KIF15: variants seen among roughly 807,000 people sequenced by gnomAD.
KIF15 encodes kinesin family member 15.
KIF15 carries 140 observed loss-of-function variants against 190.6 expected under a neutral mutation model. That is an observed-to-expected ratio of 0.73 (90% CI 0.64 to 0.84). The LOEUF (loss-of-function observed/expected upper bound fraction) is 0.84. Ranked by LOEUF, KIF15 falls within the 40% of genes least tolerant of loss-of-function variation. The probability of loss-of-function intolerance (pLI) is 0.00; values close to 1 mark genes in which losing one functional copy is unlikely to be tolerated. For missense variants in KIF15, 1,372 were observed against 1,584.4 expected (o/e 0.87, Z 2.28); for synonymous variants, 528 against 551.3 (o/e 0.96, Z 0.59).
intron 19 of KIF15, among the ~76,000 whole-genome samples, chr3:44,813,901 A>G (rs1707916310): frequency 6.6e-6 from 1 of 152,162 alleles, no homozygotes; most frequent in African/African-American, 2.4e-5. Context: ...TACAGGCGTG[A>G]GCCACTGTGC....
At chr3:44,838,546 C>T (rs1698436744) in intron 27 of KIF15, 125 bp downstream of exon 27, 2 of 898,022 alleles carry the variant, frequency 2.2e-6, no homozygotes, top group Non-Finnish European at 3.2e-6. Context: ...AGTTCAAGAG[C>T]AGTCTGGCCA....
Position 44,801,588 on chromosome 3 carries a change from T to C in KIF15, c.1299+62T>C, listed in dbSNP as rs188639866. ...TAGTTAGTTTTTTGCTGTGTGGTTT[T>C]TATTGCCTTACTAAGTGAAATAAAT... On this transcript the variant is annotated intron_variant, in intron 12 of 34. Transcript: ENST00000326047. 477 of 1,128,600 alleles carry C rather than the reference T, an allele frequency of 4.2e-4. 2 individuals carry two copies. In the African/African-American group the frequency reaches 6.3e-3, roughly 15 times the overall value. 69.9% of individuals were successfully genotyped at this position (1,128,600 alleles called of 1,614,324 possible).
chr3:44,841,368 A>G (rs901719954), intron 29 of KIF15, 130 bp downstream of exon 29: 1 of 602,070 alleles, frequency 1.7e-6, no homozygotes, highest in Non-Finnish European at 2.9e-6. Flanking sequence ...GGTATATGCC[A>G]CCATGCCCAG....
chr3:44,783,267 G>A (rs963727838), intron 5 of KIF15, among the ~76,000 whole-genome samples: 3 of 152,098 alleles, frequency 2.0e-5, no homozygotes, highest in East Asian at 1.9e-4. Context: ...GCATCTGCTC[G>A]GCTTCTGGTG....
rs183191840 is a variant in KIF15 at position 44,791,716 on chromosome 3, A to G, written c.640-2501A>G. ...TGACAGCATACTGTGCTATTTTTATACCTTGCCTTTTTTATTTTGGAGACC... is the reference window on the plus strand; with the variant it reads ...TGACAGCATACTGTGCTATTTTTATGCCTTGCCTTTTTTATTTTGGAGACC... On this transcript the variant is annotated intron_variant, in intron 7 of 34. Transcript: ENST00000326047. Among the ~76,000 whole-genome samples the G allele has an allele frequency of 3.3e-5, 5 of 151,980 alleles. No individual in the cohort carries two copies. In the East Asian group the frequency reaches 7.7e-4, roughly 24 times the overall value.
chr3:44,815,189 A>G, intron 20 of KIF15, 113 bp downstream of exon 20: 1 of 934,340 alleles, frequency 1.1e-6, no homozygotes, highest in East Asian at 2.9e-5. Context: ...TAAAAAAGAT[A>G]ATTTATTGGC....
chr3:44,810,027 A>G (rs930172247), intron 16 of KIF15, among the ~76,000 whole-genome samples: 42 of 152,242 alleles, frequency 2.8e-4, no homozygotes, highest in African/African-American at 1.0e-3. Context: ...AGATTACACC[A>G]CTGCACTCCA....
chr3:44,855,772 G>A (rs190581283), downstream of KIF15, among the ~76,000 whole-genome samples: 13 of 152,202 alleles, frequency 8.5e-5, no homozygotes, highest in South Asian at 1.2e-3. Flanking sequence ...AAAGACACAA[G>A]GTCCAAATAA....
chr3:44,774,094 G>A (rs1705757429), intron 1 of KIF15, among the ~76,000 whole-genome samples: 1 of 152,174 alleles, frequency 6.6e-6, no homozygotes, highest in Non-Finnish European at 1.5e-5. Context: ...CCCTTACTGT[G>A]CATGTGTTGA....
chr3:44,827,955 A>G (rs1233810890), intron 23 of KIF15, among the ~76,000 whole-genome samples: 2 of 152,206 alleles, frequency 1.3e-5, no homozygotes, highest in Non-Finnish European at 2.9e-5. Context: ...CTGAGATTAC[A>G]GGCCTGAGCC....
chr3:44,864,358 G>C, intron 6 of KIF15: 1 of 1,613,864 alleles, frequency 6.2e-7, no homozygotes, highest in Non-Finnish European at 8.5e-7. Flanking sequence ...GTAGCCTGAG[G>C]GTGTGGTGCT....
At chr3:44,789,693 A>T (rs1212952581) in intron 7 of KIF15, among the ~76,000 whole-genome samples, 10 of 127,760 alleles carry the variant, frequency 7.8e-5, no homozygotes, top group Non-Finnish European at 1.4e-4. Context: ...TATATATATA[A>T]AATAGATACA....
At chr3:44,792,538 C>T (rs1706759303) in intron 7 of KIF15, among the ~76,000 whole-genome samples, 1 of 151,422 alleles carries the variant, frequency 6.6e-6, no homozygotes, top group Non-Finnish European at 1.5e-5. Context: ...AGGGTTATAA[C>T]AGCTACGAAT....
chr3:44,831,869 G>A (rs1698089751), intron 26 of KIF15, among the ~76,000 whole-genome samples: 1 of 151,858 alleles, frequency 6.6e-6, no homozygotes, highest in Non-Finnish European at 1.5e-5. Flanking sequence ...ATAACCTATT[G>A]TATAAATTGT....
chr3:44,859,297 ACT>A (rs1023799626), intron 6 of KIF15, among the ~76,000 whole-genome samples: 1 of 151,944 alleles, frequency 6.6e-6, no homozygotes, highest in African/African-American at 2.4e-5. Flanking sequence ...GGCTGCCTTT[ACT>A]CTATTATTGT....
intron 16 of KIF15, 152 bp from the exon 17 acceptor site, chr3:44,810,694 C>CCACTTGGGCATTTTTGTA: frequency 1.6e-6 from 1 of 609,224 alleles, no homozygotes. Context: ...AAATTTATTT[C>CCACTTGGGCATTTTTGTA]CACTTGGGCA....
intron 11 of KIF15, among the ~76,000 whole-genome samples, chr3:44,800,701 G>C (rs193100283): frequency 6.6e-6 from 1 of 152,154 alleles, no homozygotes; most frequent in African/African-American, 2.4e-5. Flanking sequence ...CTACTTCTAC[G>C]TAGCATATGT....
chr3:44,813,508 C>T (rs553524148), intron 19 of KIF15, among the ~76,000 whole-genome samples: 59 of 152,288 alleles, frequency 3.9e-4, no homozygotes, highest in South Asian at 1.4e-3. Flanking sequence ...ACCTCCACCT[C>T]CCGAGTTCAA....
Position 44,841,249 on chromosome 3 carries a change from T to A in KIF15, c.3585+11T>A, listed in dbSNP as rs755868402. 1 of 1,587,930 alleles carries A rather than the reference T, an allele frequency of 6.3e-7. No individual in the cohort carries two copies. The highest frequency in any genetic ancestry group is 1.1e-5 in the South Asian group (1 of 87,812). ...ATCCTCAGAATGAAGGTAATTGGAT[T>A]TTTTTTCCAGTAAATTTAATTATTT... On this transcript the variant is annotated intron_variant, in intron 29 of 34. Coordinates refer to ENST00000326047, the MANE Select transcript of KIF15 (RefSeq NM_020242.3).
Sources: gnomAD v4.1 joint callset for allele counts (sites outside exome capture counted in the v4.1 genomes callset) on GRCh38, gnomAD v4.1.1 for gene constraint, MANE v1.5 for transcripts, NCBI Gene and HGNC (gene_info 2026-07-23, HGNC 2026-07-21) for gene names.